The following THSD7A variants were observed in gnomAD, a reference collection of about 807,000 sequenced individuals.
THSD7A encodes the protein thrombospondin type 1 domain containing 7A.
Under a neutral mutation model 231.3 loss-of-function variants are expected in THSD7A, and 96 were observed. The ratio of observed to expected loss-of-function variants is 0.41; its 90% CI spans 0.35 to 0.49. THSD7A has a LOEUF of 0.49. Ranked by LOEUF, THSD7A falls within the 20% of genes least tolerant of loss-of-function variation. THSD7A has a pLI of 0.05. For synonymous variants in THSD7A, 940 were observed against 743.3 expected (o/e 1.26, Z -4.30); for missense variants, 2,290 against 2,070.2 (o/e 1.11, Z -2.06).
intron 4 of THSD7A, among the ~76,000 whole-genome samples, chr7:11,586,747 T>A (rs1236920317): frequency 6.6e-6 from 1 of 152,196 alleles, no homozygotes; most frequent in Non-Finnish European, 1.5e-5. Flanking sequence ...ATTTCTTTGT[T>A]GAGCATGAGG....
intron 2 of THSD7A, among the ~76,000 whole-genome samples, chr7:11,613,560 G>C (rs1433031224): frequency 2.6e-5 from 4 of 152,114 alleles, no homozygotes; most frequent in Admixed American, 2.0e-4. Context: ...TCTTTCTACA[G>C]TCATTTCAGT....
intron 2 of THSD7A, among the ~76,000 whole-genome samples, chr7:11,615,636 T>C (rs983207822): frequency 2.6e-5 from 4 of 152,218 alleles, no homozygotes; most frequent in African/African-American, 7.2e-5. Flanking sequence ...ACTCATTTTA[T>C]ATTATTTATA....
chr7:11,400,954 A>G (rs73066779), intron 23 of THSD7A, among the ~76,000 whole-genome samples: 1,565 of 152,266 alleles, frequency 0.01, 17 homozygotes, highest in Non-Finnish European at 0.016. Context: ...ACGACATTTA[A>G]TGCTGTGATT....
chr7:11,517,415 T>C (rs1788077398), intron 6 of THSD7A, among the ~76,000 whole-genome samples: 1 of 77,640 alleles, frequency 1.3e-5, no homozygotes, highest in Non-Finnish European at 2.7e-5. Context: ...AAAACTACAT[T>C]TTTAAAGAGT....
intron 2 of THSD7A, among the ~76,000 whole-genome samples, chr7:11,626,246 G>T (rs1781470085): frequency 6.6e-6 from 1 of 151,968 alleles, no homozygotes; most frequent in African/African-American, 2.4e-5. Context: ...CTTATGTTAG[G>T]TGTTCTTACA....
intron 1 of THSD7A, among the ~76,000 whole-genome samples, chr7:11,719,559 C>T (rs543051616): frequency 6.6e-6 from 1 of 151,754 alleles, no homozygotes; most frequent in African/African-American, 2.4e-5. Context: ...TCCATGTCCA[C>T]ATGCAACACA....
At chr7:11,464,359 A>G (rs1785618833) in intron 9 of THSD7A, among the ~76,000 whole-genome samples, 1 of 152,018 alleles carries the variant, frequency 6.6e-6, no homozygotes, top group South Asian at 2.1e-4. Context: ...CAGGATTAAG[A>G]CCAGGGGATT....
intron 1 of THSD7A, among the ~76,000 whole-genome samples, chr7:11,760,882 G>A (rs949904778): frequency 2.7e-5 from 4 of 149,686 alleles, no homozygotes; most frequent in Non-Finnish European, 4.5e-5. Context: ...ATACCACAGG[G>A]CATAATAATT....
intron 1 of THSD7A, among the ~76,000 whole-genome samples, chr7:11,722,618 C>G (rs1406395302): frequency 6.6e-6 from 1 of 151,738 alleles, no homozygotes; most frequent in Non-Finnish European, 1.5e-5. Context: ...TCCTGCCCAC[C>G]AAATTATTTG....
chr7:11,713,286 A>C (rs1452056047), intron 1 of THSD7A, among the ~76,000 whole-genome samples: 1 of 151,306 alleles, frequency 6.6e-6, no homozygotes, highest in African/African-American at 2.4e-5. Context: ...TTAAAAAGAC[A>C]AATAAAAGCT....
intron 6 of THSD7A, among the ~76,000 whole-genome samples, chr7:11,491,769 A>T (rs1298490240): frequency 6.6e-6 from 1 of 152,096 alleles, no homozygotes; most frequent in Admixed American, 6.6e-5. Context: ...TTACTCTGGG[A>T]TGAAATACAG....
Position 11,580,646 on chromosome 7 carries a change from A to T in THSD7A, c.1453+9814T>A, listed in dbSNP as rs545398436. Among the ~76,000 whole-genome samples, 3 of 152,258 alleles carry T rather than the reference A, an allele frequency of 2.0e-5. No homozygotes were observed. The East Asian group carries it at 5.8e-4, about 29-fold the overall frequency. On this transcript the variant is annotated intron_variant, in intron 4 of 27. Coordinates refer to ENST00000423059, the MANE Select transcript of THSD7A (RefSeq NM_015204.3). The stretch of plus-strand genomic sequence containing the variant: ...CTAAGACAGGAACAGAAAACCAAAT[A>T]CTGCATGTTCTTACTTATAGGTGGA...
chr7:11,593,228 C>T lies in THSD7A; in HGVS notation c.1271+26G>A, dbSNP rs536867862. ...GCTGAGCAAATGTAGTTTCGGCAGA[C>T]GCTATACCCTTCTTTATTTACTCAC... On this transcript the variant is annotated intron_variant, in intron 3 of 27. Coordinates refer to ENST00000423059, the MANE Select transcript of THSD7A (RefSeq NM_015204.3). 1.2e-4 allele frequency: 201 copies of T among 1,611,330 alleles called. 1 individual carries two copies. The highest frequency in any genetic ancestry group is 8.0e-4 in the Admixed American group (48 of 59,936).
At chr7:11,699,443 T>C (rs1217855075) in intron 1 of THSD7A, among the ~76,000 whole-genome samples, 7 of 151,312 alleles carry the variant, frequency 4.6e-5, no homozygotes, top group African/African-American at 1.7e-4. Context: ...GGTATCCAGC[T>C]ATTTATTAGC....
At chr7:11,709,874 A>G (rs1780892812) in intron 1 of THSD7A, among the ~76,000 whole-genome samples, 1 of 150,836 alleles carries the variant, frequency 6.6e-6, no homozygotes. Flanking sequence ...GCAGAAAGTA[A>G]TCTGGCTTCC....
At chr7:11,694,566 C>T (rs1186192396) in intron 1 of THSD7A, among the ~76,000 whole-genome samples, 2 of 151,454 alleles carry the variant, frequency 1.3e-5, no homozygotes, top group African/African-American at 4.8e-5. Context: ...TGTGATCTCA[C>T]CAAATCAATA....
At chr7:11,645,571 C>G (rs1293046390) in intron 1 of THSD7A, among the ~76,000 whole-genome samples, 1 of 151,692 alleles carries the variant, frequency 6.6e-6, no homozygotes, top group African/African-American at 2.4e-5. Flanking sequence ...ACTATTTTTT[C>G]TACACAGTTA....
chr7:11,559,684 G>T (rs1789999737), intron 4 of THSD7A, among the ~76,000 whole-genome samples: 1 of 151,980 alleles, frequency 6.6e-6, no homozygotes, highest in Non-Finnish European at 1.5e-5. Context: ...TGGAAGAATT[G>T]ATTGCAAAAG....
chr7:11,526,090 T>C (rs1788463456), intron 6 of THSD7A, among the ~76,000 whole-genome samples: 1 of 152,186 alleles, frequency 6.6e-6, no homozygotes, highest in South Asian at 2.1e-4. Context: ...GATTATACCA[T>C]TTCCCTACCA....
Sources: gnomAD v4.1 joint callset for allele counts (sites outside exome capture counted in the v4.1 genomes callset) on GRCh38, gnomAD v4.1.1 for gene constraint, MANE v1.5 for transcripts, NCBI Gene and HGNC (gene_info 2026-07-23, HGNC 2026-07-21) for gene names.